Variants in ST18 observed in about 807,000 individuals in gnomAD.
The protein encoded by ST18 is suppression of tumorigenicity 18 protein.
In ST18, 50 loss-of-function variants were observed where a neutral mutation model predicts 110.0. The ratio of observed to expected loss-of-function variants is 0.45; its 90% CI spans 0.36 to 0.58. ST18 has a LOEUF of 0.58. Ranked by LOEUF, ST18 falls within the 20% of genes least tolerant of loss-of-function variation. The pLI is 0.00. For missense variants in ST18, 1,306 were observed against 1,280.1 expected (o/e 1.02, Z -0.31); for synonymous variants, 461 against 452.4 (o/e 1.02, Z -0.24).
At chr8:52,309,089 T>C (rs2095858939) in intron 2 of ST18, among the ~76,000 whole-genome samples, 2 of 152,112 alleles carry the variant, frequency 1.3e-5, no homozygotes, top group Admixed American at 1.3e-4. Context: ...AATAGAGACC[T>C]TATATAAGGG....
At chr8:52,281,333 G>C (rs1054552798) in intron 2 of ST18, among the ~76,000 whole-genome samples, 6 of 152,026 alleles carry the variant, frequency 3.9e-5, no homozygotes, top group Non-Finnish European at 8.8e-5. Flanking sequence ...TAAATAGCAA[G>C]TTTAACATAA....
At chr8:52,287,822 T>C (rs2095493680) in intron 2 of ST18, among the ~76,000 whole-genome samples, 1 of 152,194 alleles carries the variant, frequency 6.6e-6, no homozygotes, top group Admixed American at 6.5e-5. Context: ...GCTAGTGGGC[T>C]GAGATTCCCA....
chr8:52,357,692 T>TAA (rs1823530260), intron 2 of ST18, among the ~76,000 whole-genome samples: 2 of 53,934 alleles, frequency 3.7e-5, no homozygotes, highest in Non-Finnish European at 7.2e-5. Flanking sequence ...TATATATATA[T>TAA]ATATATATAT....
chr8:52,132,295 C>T, intron 21 of ST18, 116 bp from the exon 22 acceptor site: 1 of 871,286 alleles, frequency 1.1e-6, no homozygotes, highest in Non-Finnish European at 1.7e-6. Flanking sequence ...CCATAACTAG[C>T]AAAACAGCAT....
chr8:52,234,728 G>GGGGT (rs1554762425), intron 2 of ST18, among the ~76,000 whole-genome samples: 1 of 145,612 alleles, frequency 6.9e-6, no homozygotes, highest in Non-Finnish European at 1.5e-5. Context: ...AAGAAACTAT[G>GGGGT]GTGTGTGTGT....
rs1563897226 is a variant in ST18 at position 52,178,641 on chromosome 8, AAACCAC to A, written c.277+1475_277+1480del. Among the ~76,000 whole-genome samples, 11 of 134,242 alleles carry A rather than the reference AAACCAC, an allele frequency of 8.2e-5. 2 individuals are homozygous for A. The highest frequency in any genetic ancestry group is 2.9e-4 in the African/African-American group (9 of 31,064). The allele number at this position is 134,242 out of a possible 152,430, so 88.1% of individuals were successfully genotyped here. ...AAAAAAAAAAAAAAAAAAAAAAAAA[AAACCAC>A]CAAAAACCAAAATAAAACAAACAAA... is the stretch of plus-strand genomic sequence containing the variant. On this transcript the variant is annotated intron_variant, in intron 9 of 25. Transcript: ENST00000689386.
At chr8:52,151,519 T>C (rs1334470643) in intron 15 of ST18, among the ~76,000 whole-genome samples, 1 of 152,214 alleles carries the variant, frequency 6.6e-6, no homozygotes, top group African/African-American at 2.4e-5. Flanking sequence ...CAACATCTTA[T>C]GCCATCTGTA....
At chr8:52,252,704 G>A (rs913821393) in intron 2 of ST18, among the ~76,000 whole-genome samples, 4 of 151,924 alleles carry the variant, frequency 2.6e-5, no homozygotes, top group Non-Finnish European at 1.5e-5. Context: ...TCGCTTTTAT[G>A]TGCAACAGTG....
intron 5 of ST18, among the ~76,000 whole-genome samples, chr8:52,219,728 C>G (rs192789523): frequency 3.0e-4 from 45 of 152,044 alleles, no homozygotes; most frequent in African/African-American, 8.4e-4. Flanking sequence ...CACATTCCCC[C>G]CAGAAGAGAT....
intron 2 of ST18, among the ~76,000 whole-genome samples, chr8:52,308,080 C>T (rs940685846): frequency 3.9e-5 from 6 of 152,184 alleles, no homozygotes; most frequent in African/African-American, 9.7e-5. Context: ...TTGAAGGTCA[C>T]GGGAGCTCTG....
At chr8:52,188,176 A>G (rs1297321750) in intron 8 of ST18, among the ~76,000 whole-genome samples, 3 of 152,220 alleles carry the variant, frequency 2.0e-5, no homozygotes. Context: ...ATTGAGTAAA[A>G]TACATAATAT....
At chr8:52,161,053 T>C (rs2061335523) in intron 14 of ST18, among the ~76,000 whole-genome samples, 1 of 152,240 alleles carries the variant, frequency 6.6e-6, no homozygotes, top group African/African-American at 2.4e-5. Context: ...CATTTTTCAA[T>C]ATAGTAATCC....
At chr8:52,193,090 A>C (rs1460943419) in intron 8 of ST18, among the ~76,000 whole-genome samples, 2 of 152,234 alleles carry the variant, frequency 1.3e-5, no homozygotes, top group African/African-American at 4.8e-5. Flanking sequence ...TCTGAAGGTC[A>C]TGGTGACCAA....
intron 15 of ST18, among the ~76,000 whole-genome samples, chr8:52,153,972 TTGAC>T (rs1390210395): frequency 3.3e-5 from 5 of 152,208 alleles, no homozygotes; most frequent in Non-Finnish European, 7.3e-5. Context: ...TCATAATAAT[TTGAC>T]TGAGTTTGTT....
chr8:52,317,207 T>C (rs973279484), intron 2 of ST18, among the ~76,000 whole-genome samples: 1 of 152,220 alleles, frequency 6.6e-6, no homozygotes, highest in African/African-American at 2.4e-5. Context: ...AAAAGAGTCT[T>C]TACAGAAGTG....
chr8:52,369,199 C>A (rs1480357996), intron 2 of ST18, among the ~76,000 whole-genome samples: 3 of 152,184 alleles, frequency 2.0e-5, no homozygotes, highest in Admixed American at 2.0e-4. Context: ...CAAACAAATT[C>A]TTCTTCTTTT....
chr8:52,238,149 T>G (rs796696567), intron 2 of ST18, among the ~76,000 whole-genome samples: 17 of 152,304 alleles, frequency 1.1e-4, no homozygotes, highest in African/African-American at 3.4e-4. Context: ...GAAAAATAGC[T>G]GGCAATTTCT....
intron 8 of ST18, among the ~76,000 whole-genome samples, chr8:52,202,608 G>GA (rs555905891): frequency 7.4e-4 from 112 of 152,264 alleles, no homozygotes; most frequent in African/African-American, 2.6e-3. Flanking sequence ...AACACAATGG[G>GA]AAAAAATCTT....
At chr8:52,288,713 AT>A (rs1472668003) in intron 2 of ST18, among the ~76,000 whole-genome samples, 11 of 151,776 alleles carry the variant, frequency 7.2e-5, no homozygotes, top group African/African-American at 1.7e-4. Context: ...AAAAAAAAAA[AT>A]AAAAGGAAAA....
Sources: gnomAD v4.1 joint callset for allele counts (sites outside exome capture counted in the v4.1 genomes callset) on GRCh38, gnomAD v4.1.1 for gene constraint, MANE v1.5 for transcripts, NCBI Gene and HGNC (gene_info 2026-07-23, HGNC 2026-07-21) for gene names.